GALNT1: variants seen among roughly 807,000 people sequenced by gnomAD.
GALNT1 encodes the protein GalNAc transferase 1.
A neutral mutation model predicts 65.7 loss-of-function variants in GALNT1; 17 were observed. The observed-to-expected ratio is 0.26, with a 90% CI of 0.18 to 0.39. The LOEUF is 0.39. GALNT1 is among the 10% of genes least tolerant of loss of function. The probability of loss-of-function intolerance (pLI) is 1.00; values close to 1 mark genes in which losing one functional copy is unlikely to be tolerated. For synonymous variants in GALNT1, 210 were observed against 219.7 expected (o/e 0.96, Z 0.39); for missense variants, 460 against 672.8 (o/e 0.68, Z 3.50).
chr18:35,688,445 A>G (rs1568032946), intron 6 of GALNT1, among the ~76,000 whole-genome samples: 1 of 152,142 alleles, frequency 6.6e-6, no homozygotes, highest in Non-Finnish European at 1.5e-5. Context: ...TAAAAATCAA[A>G]TGGGCTGATA....
intron 3 of GALNT1, among the ~76,000 whole-genome samples, chr18:35,665,291 C>T (rs992405107): frequency 6.6e-6 from 1 of 152,076 alleles, no homozygotes; most frequent in Non-Finnish European, 1.5e-5. Context: ...TCAAAAGATA[C>T]ACTGAGAGAA....
chr18:35,686,924 A>C lies in GALNT1; in HGVS notation c.690-92A>C, dbSNP rs531013832. ...ATACCCTGTTTCAAGGGAAAAAATA[A>C]AAAATAAAAACACTTACTATACAAT... On this transcript the variant is annotated intron_variant, in intron 5 of 11. Transcript: ENST00000269195. 8.1e-5 allele frequency: 104 copies of C among 1,279,738 alleles called. No homozygotes were observed. In the African/African-American group the frequency reaches 1.4e-3, roughly 17 times the overall value. The allele number at this position is 1,279,738 out of a possible 1,614,324, so 79.3% of individuals were successfully genotyped here. A position where few individuals can be genotyped will look rare whatever the true frequency, so the allele number is the denominator to read the frequency against.
intron 2 of GALNT1, 141 bp from the exon 3 acceptor site, chr18:35,663,487 G>C: frequency 1.2e-6 from 1 of 805,010 alleles, no homozygotes; most frequent in Non-Finnish European, 2.0e-6. Context: ...CCTTGAAAGG[G>C]TTAACAGCCT....
At chr18:35,663,920 C>A in intron 3 of GALNT1, 118 bp downstream of exon 3, 1 of 818,202 alleles carries the variant, frequency 1.2e-6, no homozygotes, top group Non-Finnish European at 2.0e-6. Flanking sequence ...TATGTTACTA[C>A]TTACCCCACT....
At chr18:35,634,225 A>G (rs1315435740) in intron 1 of GALNT1, among the ~76,000 whole-genome samples, 1 of 152,222 alleles carries the variant, frequency 6.6e-6, no homozygotes, top group African/African-American at 2.4e-5. Flanking sequence ...TCTCATTTAA[A>G]GGAACAAAGA....
intron 1 of GALNT1, among the ~76,000 whole-genome samples, chr18:35,614,566 C>G (rs1368822225): frequency 6.6e-6 from 1 of 152,118 alleles, no homozygotes; most frequent in Non-Finnish European, 1.5e-5. Context: ...TACCCTGCCT[C>G]TTCACAATTG....
At chr18:35,700,383 G>A (rs1038106964) in intron 9 of GALNT1, among the ~76,000 whole-genome samples, 1 of 152,148 alleles carries the variant, frequency 6.6e-6, no homozygotes, top group Non-Finnish European at 1.5e-5. Context: ...CATCAGAGGA[G>A]TGCCTCCAGG....
intron 4 of GALNT1, among the ~76,000 whole-genome samples, chr18:35,679,355 G>A (rs977482643): frequency 9.9e-5 from 15 of 151,964 alleles, no homozygotes; most frequent in Non-Finnish European, 1.9e-4. Flanking sequence ...TTTCTCTCTC[G>A]TTCTGTGAAT....
At chr18:35,660,124 G>A (rs1393183855) in intron 2 of GALNT1, among the ~76,000 whole-genome samples, 1 of 152,146 alleles carries the variant, frequency 6.6e-6, no homozygotes, top group Admixed American at 6.5e-5. Flanking sequence ...TGAATATAGT[G>A]CATAAGGACA....
chr18:35,667,615 C>G (rs1336718632), intron 3 of GALNT1, among the ~76,000 whole-genome samples: 1 of 152,138 alleles, frequency 6.6e-6, no homozygotes, highest in Non-Finnish European at 1.5e-5. Context: ...AAAATTGCAG[C>G]TGGTGGATAT....
In GALNT1 at chr18:35,581,750, G is replaced by GA. The variant is rs1247465415; in HGVS notation, c.-215dup. On this transcript the variant is annotated 5_prime_UTR_variant, in exon 1 of 12. Coordinates refer to ENST00000269195, the MANE Select transcript of GALNT1 (RefSeq NM_020474.4). ...GGGGGAGCCGCCGGCAGTGGCCGAG[G>GA]AGCGCGCGGCGGACGGCGGCCCGAG... 10 of 496 alleles carry GA rather than the reference G, an allele frequency of 0.02. No individual in the cohort carries two copies. Among genetic ancestry groups the GA allele is most frequent in the South Asian group, 0.12 (1 of 8 alleles). The allele number at this position is 496 out of a possible 1,614,324, so 0.0% of individuals were successfully genotyped here.
chr18:35,704,368 G>T (rs1312516924), intron 11 of GALNT1, among the ~76,000 whole-genome samples: 1 of 150,688 alleles, frequency 6.6e-6, no homozygotes, highest in Non-Finnish European at 1.5e-5. Flanking sequence ...AGAGTGCAGT[G>T]GTACAGTCAC....
intron 3 of GALNT1, among the ~76,000 whole-genome samples, chr18:35,665,984 A>C (rs1441379548): frequency 6.6e-6 from 1 of 152,198 alleles, no homozygotes; most frequent in African/African-American, 2.4e-5. Context: ...GGAGAGCCTG[A>C]GTGAGAGTTG....
At chr18:35,581,521 G>T (rs2046313224), upstream of GALNT1, among the ~76,000 whole-genome samples, 1 of 28,178 alleles carries the variant, frequency 3.5e-5, no homozygotes, top group South Asian at 1.9e-3. Flanking sequence ...GGAGGACCGC[G>T]CCCGAGCGCC....
At chr18:35,593,751 C>T (rs2046472103) in intron 1 of GALNT1, among the ~76,000 whole-genome samples, 1 of 152,008 alleles carries the variant, frequency 6.6e-6, no homozygotes, top group Non-Finnish European at 1.5e-5. Flanking sequence ...CTCTGTCACC[C>T]AGGCTGGGGT....
At chr18:35,655,006 A>G (rs898232179) in intron 2 of GALNT1, among the ~76,000 whole-genome samples, 5 of 152,176 alleles carry the variant, frequency 3.3e-5, no homozygotes, top group African/African-American at 1.2e-4. Context: ...GAATTGCTGA[A>G]TTCGATTTTT....
At chr18:35,581,506 C>G (rs1375326095), upstream of GALNT1, among the ~76,000 whole-genome samples, 1 of 144,014 alleles carries the variant, frequency 6.9e-6, no homozygotes, top group African/African-American at 2.5e-5. Flanking sequence ...GAGCACGCAG[C>G]GCAGGGAGGA....
chr18:35,623,641 A>T (rs921752251), intron 1 of GALNT1, among the ~76,000 whole-genome samples: 4 of 151,884 alleles, frequency 2.6e-5, no homozygotes, highest in African/African-American at 9.7e-5. Flanking sequence ...ATTTCTTTTG[A>T]TCTCCCTTTA....
rs2048348730 is a variant in GALNT1 at position 35,711,403 on chromosome 18, C to T, written c.*1633C>T. On this transcript the variant is annotated 3_prime_UTR_variant, in exon 12 of 12. Transcript: ENST00000269195. Reference sequence around the variant, plus strand: ...GCCAAGTTGAGTGTACACAAAGTTTCTCATATCCTGTTCAAGTTAATCAAC... The same window carrying T: ...GCCAAGTTGAGTGTACACAAAGTTTTTCATATCCTGTTCAAGTTAATCAAC... 6.6e-6 allele frequency: 1 copy of T among 152,598 alleles called. No individual in the cohort carries two copies. Among genetic ancestry groups the T allele is most frequent in the South Asian group, 2.1e-4 (1 of 4,832 alleles). The allele number at this position is 152,598 out of a possible 1,614,324, so 9.5% of individuals were successfully genotyped here.
Sources: allele counts gnomAD v4.1 joint callset (sites outside exome capture counted in the v4.1 genomes callset), GRCh38; gene constraint gnomAD v4.1.1; transcripts MANE v1.5; gene names NCBI Gene and HGNC (gene_info 2026-07-23, HGNC 2026-07-21).